KALRN: variants seen among roughly 807,000 people sequenced by gnomAD.
KALRN encodes the protein kalirin RhoGEF kinase.
A neutral mutation model predicts 353.7 loss-of-function variants in KALRN; 70 were observed. The observed-to-expected ratio is 0.20, with a 90% confidence interval of 0.16 to 0.24. KALRN has a LOEUF of 0.24. KALRN is among the 10% of genes least tolerant of loss of function. The pLI is 1.00. For missense variants in KALRN, 2,791 were observed against 3,756.7 expected (o/e 0.74, Z 6.72); for synonymous variants, 1,391 against 1,434.8 (o/e 0.97, Z 0.69).
At chr3:124,482,136 A>C (rs2108234722) in intron 27 of KALRN, among the ~76,000 whole-genome samples, 1 of 152,362 alleles carries the variant, frequency 6.6e-6, no homozygotes, top group African/African-American at 2.4e-5. Flanking sequence ...GTCCCTGGAA[A>C]TGGAAAGGAA....
chr3:124,647,632 G>T (rs750835093), intron 37 of KALRN, among the ~76,000 whole-genome samples: 10 of 152,096 alleles, frequency 6.6e-5, no homozygotes, highest in Non-Finnish European at 1.3e-4. Flanking sequence ...GCCCATTTTG[G>T]CTTAGATTAT....
intron 3 of KALRN, among the ~76,000 whole-genome samples, chr3:124,250,975 C>CA (rs1477159591): frequency 7.2e-5 from 11 of 152,232 alleles, no homozygotes; most frequent in Admixed American, 3.3e-4. Flanking sequence ...TCTCCCTAGC[C>CA]AGCTAGACCA....
intron 33 of KALRN, among the ~76,000 whole-genome samples, chr3:124,499,961 A>G (rs2064320248): frequency 1.3e-5 from 2 of 152,224 alleles, no homozygotes; most frequent in African/African-American, 2.4e-5. Context: ...TAATTTCTAC[A>G]TAAAATGGGT....
chr3:124,658,396 C>T (rs1351882370), intron 41 of KALRN, 35 bp from the exon 42 acceptor site: 2 of 1,498,574 alleles, frequency 1.3e-6, no homozygotes, highest in Admixed American at 1.7e-5. Flanking sequence ...ACACAAGATG[C>T]CTGACTGTCC....
chr3:124,434,296 C>T lies in KALRN; in HGVS notation c.2830-11C>T. On this transcript the variant is annotated splice_polypyrimidine_tract_variant and intron_variant, in intron 16 of 59. Coordinates refer to ENST00000682506, the MANE Select transcript of KALRN (RefSeq NM_001388419.1). Reference sequence around the variant, plus strand: ...TTCCCACGGACCTTTCTCTCCTCTCCTTGTGCCCAGTCCCTCTTTCATGCC... The same window carrying T: ...TTCCCACGGACCTTTCTCTCCTCTCTTTGTGCCCAGTCCCTCTTTCATGCC... 1 of 1,611,534 alleles carries T rather than the reference C, an allele frequency of 6.2e-7. No individual in the cohort carries two copies. Among genetic ancestry groups the T allele is most frequent in the South Asian group, 1.1e-5 (1 of 90,956 alleles).
chr3:124,226,513 T>C (rs981733291), intron 1 of KALRN, among the ~76,000 whole-genome samples: 2 of 152,144 alleles, frequency 1.3e-5, no homozygotes, highest in African/African-American at 4.8e-5. Context: ...CAGTCTTCAT[T>C]TGGTGAAAAA....
chr3:124,262,489 T>C (rs1249241944), intron 3 of KALRN, among the ~76,000 whole-genome samples: 1 of 152,232 alleles, frequency 6.6e-6, no homozygotes, highest in East Asian at 1.9e-4. Flanking sequence ...AAATTATTTA[T>C]GGAAAGCTTC....
chr3:124,660,436 C>T (rs368621037), intron 43 of KALRN, among the ~76,000 whole-genome samples: 10 of 152,100 alleles, frequency 6.6e-5, no homozygotes, highest in South Asian at 6.2e-4. Flanking sequence ...AATCCCAGAA[C>T]TTTGGGAGAC....
chr3:124,666,606 C>T lies in KALRN; in HGVS notation c.6503C>T (p.Pro2168Leu), dbSNP rs1415754327. 5 of 1,614,014 alleles carry T rather than the reference C, an allele frequency of 3.1e-6. No individual in the cohort carries two copies. The Admixed American group carries it at 8.3e-5, about 27-fold the overall frequency. The change falls in exon 46 of 60, where the codon CCT (proline) becomes CTT (leucine). Residue 2168 changes from proline (P) to leucine (L), a missense_variant. By Grantham distance (98) the Pro-to-Leu change is moderately conservative. Around this residue, in one of 11 missense-constraint regions of KALRN, gnomAD observed 1,065 missense variants for 1,156.4 expected, o/e 0.92. Coordinates refer to ENST00000682506, the MANE Select transcript of KALRN (RefSeq NM_001388419.1). The stretch of plus-strand genomic sequence containing the variant: ...CTGCTCAGGAAGGGATCCCTCACCC[C>T]TGGCTACATGTTCAAAAGGAGCATC... ...SELLRKGSLTPGYMFKRSIKM... is the reference protein window; with the variant it reads ...SELLRKGSLTLGYMFKRSIKM...
chr3:124,340,631 A>G (rs1250877218), intron 9 of KALRN, among the ~76,000 whole-genome samples: 1 of 152,156 alleles, frequency 6.6e-6, no homozygotes, highest in African/African-American at 2.4e-5. Flanking sequence ...GCCACTATAC[A>G]GAGATTGTTT....
Position 124,646,003 on chromosome 3 carries a change from T to C in KALRN, c.5665-4805T>C, listed in dbSNP as rs1017940635. ...TTCATTTTTATTTTTATTTTTTTGCTGCCTCCCTGTCTGGGAATCGGACCC... is the reference window on the plus strand; with the variant it reads ...TTCATTTTTATTTTTATTTTTTTGCCGCCTCCCTGTCTGGGAATCGGACCC... On this transcript the variant is annotated intron_variant, in intron 37 of 59. Transcript: ENST00000682506. Among the ~76,000 whole-genome samples the C allele has an allele frequency of 3.3e-5, 5 of 152,204 alleles. No homozygotes were observed. In the East Asian group the frequency reaches 9.6e-4, roughly 29 times the overall value.
intron 34 of KALRN, among the ~76,000 whole-genome samples, chr3:124,573,855 A>G (rs1299193086): frequency 6.6e-6 from 1 of 152,222 alleles, no homozygotes; most frequent in Non-Finnish European, 1.5e-5. Flanking sequence ...CAGAGGATTG[A>G]GATAATATTT....
intron 1 of KALRN, among the ~76,000 whole-genome samples, chr3:124,153,365 G>T (rs1182671485): frequency 6.7e-6 from 1 of 149,224 alleles, no homozygotes; most frequent in Non-Finnish European, 1.5e-5. Context: ...AGAACATGCG[G>T]TGTTTCGTTT....
chr3:124,718,446 T>A (rs1388349795), intron 59 of KALRN, among the ~76,000 whole-genome samples: 2 of 152,152 alleles, frequency 1.3e-5, no homozygotes, highest in Non-Finnish European at 2.9e-5. Context: ...TTAAAGAGAA[T>A]CTGGGCTGTC....
intron 9 of KALRN, among the ~76,000 whole-genome samples, chr3:124,336,217 G>A (rs2081120659): frequency 6.6e-6 from 1 of 152,144 alleles, no homozygotes; most frequent in Non-Finnish European, 1.5e-5. Flanking sequence ...CAGGAGAAAT[G>A]GGCACTACTG....
intron 9 of KALRN, among the ~76,000 whole-genome samples, chr3:124,338,373 C>T (rs2081347896): frequency 6.6e-6 from 1 of 152,174 alleles, no homozygotes; most frequent in African/African-American, 2.4e-5. Context: ...TTCTTTATTT[C>T]TGCCTTAATT....
chr3:124,500,631 G>A (rs2064406137), intron 33 of KALRN, among the ~76,000 whole-genome samples: 1 of 152,206 alleles, frequency 6.6e-6, no homozygotes, highest in South Asian at 2.1e-4. Flanking sequence ...AATGGCATTA[G>A]TAGCTTTTCC....
At chr3:124,160,944 G>T (rs536429193) in intron 1 of KALRN, among the ~76,000 whole-genome samples, 1 of 152,200 alleles carries the variant, frequency 6.6e-6, no homozygotes, top group Non-Finnish European at 1.5e-5. Context: ...AGGAAGATAG[G>T]GGGAGTCTTA....
intron 10 of KALRN, among the ~76,000 whole-genome samples, chr3:124,375,790 A>G (rs1416368429): frequency 6.6e-6 from 1 of 152,186 alleles, no homozygotes; most frequent in East Asian, 1.9e-4. Context: ...CTTCTAGTTT[A>G]TAGTCAGGAG....
Sources: gnomAD v4.1 joint callset for allele counts (sites outside exome capture counted in the v4.1 genomes callset) on GRCh38, gnomAD v4.1.1 for gene constraint, gnomAD v4.1.1 regional missense constraint, MANE v1.5 for transcripts, NCBI Gene and HGNC (gene_info 2026-07-23, HGNC 2026-07-21) for gene names.